The following UBAC2 variants were observed in gnomAD, a reference collection of about 807,000 sequenced individuals.
The protein encoded by UBAC2 is UBA domain containing 2, also known as ubiquitin-associated domain-containing protein 2.
UBAC2 carries 26 observed loss-of-function variants against 44.0 expected under a neutral mutation model. The ratio of observed to expected loss-of-function variants is 0.59; its 90% confidence interval spans 0.43 to 0.82. The LOEUF is 0.82. Among genes scored for constraint, UBAC2 ranks in the 40% least tolerant of loss-of-function variants. UBAC2 has a pLI of 0.00. For synonymous variants in UBAC2, 155 were observed against 154.3 expected, an observed-to-expected ratio of 1.00 and a Z score of -0.04; for missense variants, 329 against 419.4, an observed-to-expected ratio of 0.78 and a Z score of 1.88.
chr13:99,214,368 C>A lies in UBAC2; in HGVS notation c.31+13429C>A, dbSNP rs2042967991. ...CCTAAGTACCTAGTGTGGGTTTCCTCTTTGTTTGTGGGTACAGCCTTTTCC... is the reference window on the plus strand; with the variant it reads ...CCTAAGTACCTAGTGTGGGTTTCCTATTTGTTTGTGGGTACAGCCTTTTCC... On this transcript the variant is annotated intron_variant, in intron 1 of 8. Coordinates refer to ENST00000403766, the MANE Select transcript of UBAC2 (RefSeq NM_001144072.2). Among the ~76,000 whole-genome samples, 3 of 151,906 alleles carry A rather than the reference C, an allele frequency of 2.0e-5. No homozygotes were observed. The South Asian group carries it at 6.2e-4, about 32-fold the overall frequency.
chr13:99,313,838 C>T (rs2044448286), intron 4 of UBAC2, among the ~76,000 whole-genome samples: 1 of 152,196 alleles, frequency 6.6e-6, no homozygotes, highest in South Asian at 2.1e-4. Flanking sequence ...CCACTTTTCT[C>T]ACACTTAGTA....
chr13:99,381,683 G>A (rs1275210422), intron 8 of UBAC2, among the ~76,000 whole-genome samples: 1 of 152,168 alleles, frequency 6.6e-6, no homozygotes, highest in Non-Finnish European at 1.5e-5. Flanking sequence ...AGACCACCTT[G>A]ATCAGAGAGA....
intron 8 of UBAC2, 64 bp from the exon 9 acceptor site, chr13:99,385,164 T>G: frequency 8.1e-7 from 1 of 1,237,138 alleles, no homozygotes. Flanking sequence ...TGAAGAACAT[T>G]TGGGGCCCAG....
At chr13:99,228,069 C>T (rs902473926) in intron 1 of UBAC2, among the ~76,000 whole-genome samples, 1 of 152,026 alleles carries the variant, frequency 6.6e-6, no homozygotes, top group African/African-American at 2.4e-5. Flanking sequence ...TTGAGTTGCT[C>T]AGAAGCTGGC....
At chr13:99,297,715 G>C (rs1346235607) in intron 4 of UBAC2, among the ~76,000 whole-genome samples, 1 of 151,936 alleles carries the variant, frequency 6.6e-6, no homozygotes, top group East Asian at 1.9e-4. Flanking sequence ...AATGAGGATG[G>C]TAAGTAGAAA....
At chr13:99,213,094 A>G (rs895850661) in intron 1 of UBAC2, among the ~76,000 whole-genome samples, 1 of 152,146 alleles carries the variant, frequency 6.6e-6, no homozygotes, top group East Asian at 1.9e-4. Flanking sequence ...TGACGCATGT[A>G]TATACATATA....
At chr13:99,348,433 C>T (rs2045026008) in intron 7 of UBAC2, among the ~76,000 whole-genome samples, 2 of 152,150 alleles carry the variant, frequency 1.3e-5, no homozygotes, top group South Asian at 4.2e-4. Context: ...GCAGGTGTTT[C>T]AGTCACGGGG....
At chr13:99,275,292 G>T (rs903805783) in intron 4 of UBAC2, among the ~76,000 whole-genome samples, 1 of 152,114 alleles carries the variant, frequency 6.6e-6, no homozygotes, top group Non-Finnish European at 1.5e-5. Flanking sequence ...GGAAGCCTCA[G>T]CTCCTCACCA....
In UBAC2 at chr13:99,295,489, G is replaced by A; in HGVS notation, c.390-18608G>A. ...TGGCAGTTCTGAAGAGTTTGCAGCA[G>A]ATCTGAGAATAGCAGATGAGAATGA... is the stretch of plus-strand genomic sequence containing the variant. On this transcript the variant is annotated intron_variant, in intron 4 of 8. Coordinates refer to ENST00000403766, the MANE Select transcript of UBAC2 (RefSeq NM_001144072.2). This position sits in a 1 kb window ranked among gnomAD's most constrained non-coding sequence, Gnocchi z 4.1. 6.2e-7 allele frequency: 1 copy of A among 1,613,966 alleles called. No homozygotes were observed. The highest frequency in any genetic ancestry group is 1.3e-5 in the African/African-American group (1 of 75,020).
chr13:99,351,517 A>AGC, intron 7 of UBAC2: 1 of 456,750 alleles, frequency 2.2e-6, no homozygotes, highest in South Asian at 1.5e-5. Context: ...GTAGAAGGTT[A>AGC]TATAGCCAGC....
At chr13:99,211,762 G>T (rs555776388) in intron 1 of UBAC2, among the ~76,000 whole-genome samples, 5 of 152,184 alleles carry the variant, frequency 3.3e-5, no homozygotes, top group Non-Finnish European at 7.3e-5. Context: ...GTTTATCTCC[G>T]TGTGTCTCCC....
At position 99,254,784 on chromosome 13, in the gene UBAC2, A is replaced by G. The variant is rs2138624512; in HGVS notation, c.389+10160A>G. ...AATGAATTTATTTTTTCAAGAGAAA[A>G]GGGACTTGATAGTATTATACAGAAT... On this transcript the variant is annotated intron_variant, in intron 4 of 8. Transcript: ENST00000403766. The G allele has an allele frequency of 4.6e-6, 4 of 874,942 alleles. No homozygotes were observed. The South Asian group carries it at 6.7e-5, about 15-fold the overall frequency. The allele number at this position is 874,942 out of a possible 1,614,324, so 54.2% of individuals were successfully genotyped here.
At chr13:99,372,443 C>A in intron 8 of UBAC2, 1 of 153,670 alleles carries the variant, frequency 6.5e-6, no homozygotes. Flanking sequence ...CTAATGCCCC[C>A]CAAAGACCAC....
chr13:99,382,900 G>A (rs1162789726), intron 8 of UBAC2, among the ~76,000 whole-genome samples: 1 of 152,208 alleles, frequency 6.6e-6, no homozygotes, highest in Non-Finnish European at 1.5e-5. Context: ...ACAGGCCTGG[G>A]TGGGGGCCGA....
chr13:99,296,064 T>C, intron 4 of UBAC2: 1 of 1,614,074 alleles, frequency 6.2e-7, no homozygotes, highest in Non-Finnish European at 8.5e-7. Context: ...CTGGCCGTGC[T>C]GTGATGTGCA....
At chr13:99,358,538 C>T (rs535599358) in intron 7 of UBAC2, among the ~76,000 whole-genome samples, 1 of 152,072 alleles carries the variant, frequency 6.6e-6, no homozygotes, top group Non-Finnish European at 1.5e-5. Flanking sequence ...TTTATGTTAG[C>T]AAGTAATAGG....
chr13:99,250,044 T>C (rs2043438839), intron 4 of UBAC2, among the ~76,000 whole-genome samples: 1 of 152,224 alleles, frequency 6.6e-6, no homozygotes, highest in African/African-American at 2.4e-5. Flanking sequence ...TATTTTGCTG[T>C]GCAGAAGCTC....
Position 99,324,064 on chromosome 13 carries a change from A to G in UBAC2, c.561+5995A>G, listed in dbSNP as rs542193443. Among the ~76,000 whole-genome samples the G allele has an allele frequency of 3.3e-5, 5 of 152,202 alleles. No individual in the cohort carries two copies. The South Asian group carries it at 1.0e-3, about 32-fold the overall frequency. The stretch of plus-strand genomic sequence containing the variant: ...TCACTTCTGTGAACCATACACTCCA[A>G]CTACACACAATCCATTCCCAAACAT... On this transcript the variant is annotated intron_variant, in intron 6 of 8. Coordinates refer to ENST00000403766, the MANE Select transcript of UBAC2 (RefSeq NM_001144072.2).
At chr13:99,322,154 G>A (rs2044576348) in intron 6 of UBAC2, among the ~76,000 whole-genome samples, 1 of 152,188 alleles carries the variant, frequency 6.6e-6, no homozygotes, top group African/African-American at 2.4e-5. Flanking sequence ...TTCAGTGACC[G>A]TATCAACTGT....
Sources: gnomAD v4.1 joint callset for allele counts (sites outside exome capture counted in the v4.1 genomes callset) on GRCh38, gnomAD v4.1.1 for gene constraint, Gnocchi (gnomAD v3.1) non-coding constraint, MANE v1.5 for transcripts, NCBI Gene and HGNC (gene_info 2026-07-23, HGNC 2026-07-21) for gene names.